Variants in CPNE8 observed in about 807,000 individuals in gnomAD.
CPNE8 encodes copine-8.
In CPNE8, 45 loss-of-function variants were observed where a neutral mutation model predicts 81.5. The observed-to-expected ratio is 0.55, with a 90% CI of 0.44 to 0.71. The LOEUF is 0.71. CPNE8 is among the 30% of genes least tolerant of loss of function. CPNE8 has a pLI of 0.00. For missense variants in CPNE8, 594 were observed against 672.1 expected, an observed-to-expected ratio of 0.88 and a Z score of 1.28; for synonymous variants, 252 against 226.3, an observed-to-expected ratio of 1.11 and a Z score of -1.02.
At chr12:38,679,602 T>C (rs1010706258) in intron 16 of CPNE8, 45 of 984,946 alleles carry the variant, frequency 4.6e-5, no homozygotes, top group Middle Eastern at 1.0e-3. Context: ...TTCTGTCCAA[T>C]CCATTTTAGT....
Position 38,870,676 on chromosome 12 carries a change from A to G in CPNE8, c.186+2328T>C, listed in dbSNP as rs529004337. 8.5e-5 allele frequency among the ~76,000 whole-genome samples: 13 copies of G among 152,258 alleles called. No individual in the cohort carries two copies. In the East Asian group the frequency reaches 2.3e-3, roughly 27 times the overall value. On this transcript the variant is annotated intron_variant, in intron 3 of 19. Coordinates refer to ENST00000331366, the MANE Select transcript of CPNE8 (RefSeq NM_153634.3). ...GGGCTAGGGGAGAAATAGCATTAGGAGAAATACCTAATGTAGATGACGGGT... is the reference window on the plus strand; with the variant it reads ...GGGCTAGGGGAGAAATAGCATTAGGGGAAATACCTAATGTAGATGACGGGT...
In CPNE8 at chr12:38,653,789, T is replaced by G. The variant is rs537510127; in HGVS notation, c.*93A>C. On this transcript the variant is annotated 3_prime_UTR_variant, in exon 20 of 20. Transcript: ENST00000331366. ...ACTGCTGAAACCAAACTGAGAAAAC[T>G]ATCTCATTGCCTGGTTCATTACAGA... The G allele has an allele frequency of 3.0e-5, 43 of 1,453,416 alleles. No individual in the cohort carries two copies. In the Middle Eastern group the frequency reaches 1.5e-3, roughly 50 times the overall value. 90.0% of individuals were successfully genotyped at this position (1,453,416 alleles called of 1,614,324 possible). A position where few individuals can be genotyped will look rare whatever the true frequency, so the allele number is the denominator to read the frequency against.
chr12:38,653,748 C>A lies in CPNE8; in HGVS notation c.*134G>T. The A allele has an allele frequency of 7.8e-7, 1 of 1,279,102 alleles. No homozygotes were observed. The highest frequency in any genetic ancestry group is 1.5e-5 in the African/African-American group (1 of 64,558). The allele number at this position is 1,279,102 out of a possible 1,614,324, so 79.2% of individuals were successfully genotyped here. On this transcript the variant is annotated 3_prime_UTR_variant, in exon 20 of 20. Transcript: ENST00000331366. ...TTTAGGAAGATATTTAAATTTGGAT[C>A]CAAGAAAGCACATTAACTGCTGAAA...
intron 13 of CPNE8, among the ~76,000 whole-genome samples, chr12:38,710,354 G>T (rs11169213): frequency 6.7e-6 from 1 of 149,696 alleles, no homozygotes; most frequent in Non-Finnish European, 1.5e-5. Flanking sequence ...GTAGGTGCCA[G>T]AGAGGTAATG....
intron 10 of CPNE8, among the ~76,000 whole-genome samples, chr12:38,737,309 T>C (rs949018961): frequency 6.6e-6 from 1 of 152,064 alleles, no homozygotes; most frequent in Admixed American, 6.6e-5. Context: ...TTAAATGCCA[T>C]CACCTACTTT....
intron 1 of CPNE8, among the ~76,000 whole-genome samples, chr12:38,886,960 G>C (rs1041399346): frequency 6.6e-6 from 1 of 152,046 alleles, no homozygotes; most frequent in Admixed American, 6.6e-5. Flanking sequence ...AAGAAATGAC[G>C]ACACCCAGGG....
chr12:38,812,981 C>T (rs1228763165), intron 6 of CPNE8, among the ~76,000 whole-genome samples: 4 of 152,056 alleles, frequency 2.6e-5, no homozygotes, highest in Non-Finnish European at 4.4e-5. Flanking sequence ...AGTACCTTTC[C>T]GACATAGGGA....
intron 13 of CPNE8, among the ~76,000 whole-genome samples, chr12:38,707,992 A>G (rs182356038): frequency 6.6e-6 from 1 of 152,238 alleles, no homozygotes; most frequent in East Asian, 1.9e-4. Context: ...ATATTGTTCA[A>G]TGACAAAGAT....
chr12:38,738,782 T>G (rs938628263), intron 10 of CPNE8, among the ~76,000 whole-genome samples: 2 of 151,694 alleles, frequency 1.3e-5, no homozygotes, highest in Non-Finnish European at 2.9e-5. Flanking sequence ...TTTTCTCACC[T>G]CTCAAAATTA....
At chr12:38,880,625 A>G (rs1004924058) in intron 1 of CPNE8, among the ~76,000 whole-genome samples, 2 of 152,142 alleles carry the variant, frequency 1.3e-5, no homozygotes, top group African/African-American at 2.4e-5. Flanking sequence ...AGTTATTTGT[A>G]TGTATATATA....
intron 6 of CPNE8, among the ~76,000 whole-genome samples, chr12:38,788,662 A>C (rs2136922792): frequency 6.6e-6 from 1 of 151,872 alleles, no homozygotes; most frequent in Non-Finnish European, 1.5e-5. Context: ...TCAAAAAGAA[A>C]GGAGTCAAAT....
chr12:38,663,837 C>T (rs528785717), intron 19 of CPNE8, among the ~76,000 whole-genome samples: 5 of 152,026 alleles, frequency 3.3e-5, no homozygotes, highest in East Asian at 3.9e-4. Flanking sequence ...TGGATGAGCC[C>T]GGAGGACACT....
intron 1 of CPNE8, among the ~76,000 whole-genome samples, chr12:38,878,206 C>G (rs1944095555): frequency 2.0e-5 from 3 of 152,172 alleles, no homozygotes; most frequent in African/African-American, 7.2e-5. Context: ...AGTAGCTGTT[C>G]TTTTGTTCCT....
chr12:38,761,599 C>G (rs1762116004), intron 9 of CPNE8, among the ~76,000 whole-genome samples: 1 of 151,994 alleles, frequency 6.6e-6, no homozygotes, highest in South Asian at 2.1e-4. Flanking sequence ...ATTTGCTTTT[C>G]TTTTGGGATG....
chr12:38,798,615 C>T (rs1421077850), intron 6 of CPNE8, among the ~76,000 whole-genome samples: 1 of 151,950 alleles, frequency 6.6e-6, no homozygotes, highest in African/African-American at 2.4e-5. Context: ...TAAAGACCAT[C>T]GAGACTAGGA....
At chr12:38,760,177 G>A (rs930828346) in intron 10 of CPNE8, among the ~76,000 whole-genome samples, 1 of 152,058 alleles carries the variant, frequency 6.6e-6, no homozygotes, top group Non-Finnish European at 1.5e-5. Flanking sequence ...CACCTAGAGA[G>A]GCAGCAGTCT....
chr12:38,896,879 A>G (rs1944395684), intron 1 of CPNE8, among the ~76,000 whole-genome samples: 1 of 152,106 alleles, frequency 6.6e-6, no homozygotes, highest in Non-Finnish European at 1.5e-5. Context: ...ACCTTCTTCT[A>G]TGTTGCTGTG....
At chr12:38,806,731 T>C (rs71461501) in intron 6 of CPNE8, among the ~76,000 whole-genome samples, 7 of 143,250 alleles carry the variant, frequency 4.9e-5, no homozygotes, top group Non-Finnish European at 9.3e-5. Flanking sequence ...CTATTCAACA[T>C]AGTGTTGGAA....
chr12:38,744,425 A>G (rs149501387), intron 10 of CPNE8, among the ~76,000 whole-genome samples: 18 of 152,310 alleles, frequency 1.2e-4, no homozygotes, highest in African/African-American at 4.3e-4. Flanking sequence ...ATCGACCTCT[A>G]TTCCCCCAAC....
Sources: allele counts gnomAD v4.1 joint callset (sites outside exome capture counted in the v4.1 genomes callset), GRCh38; gene constraint gnomAD v4.1.1; transcripts MANE v1.5; gene names NCBI Gene and HGNC (gene_info 2026-07-23, HGNC 2026-07-21).